The following SLC12A9 variants were observed in gnomAD, a reference collection of about 807,000 sequenced individuals.
SLC12A9 encodes CCC-interacting protein 1.
In SLC12A9, 55 loss-of-function variants were observed where a neutral mutation model predicts 66.0. The ratio of observed to expected loss-of-function variants is 0.83; its 90% CI spans 0.67 to 1.04. The LOEUF (loss-of-function observed/expected upper bound fraction) is 1.04. SLC12A9 is among the 50% of genes least tolerant of loss of function. The probability of loss-of-function intolerance (pLI) is 0.00; values close to 1 mark genes in which losing one functional copy is unlikely to be tolerated. For missense variants in SLC12A9, 1,061 were observed against 1,241.9 expected (o/e 0.85, Z 2.19); for synonymous variants, 577 against 569.0 (o/e 1.01, Z -0.20).
chr7:100,841,254 AT>A (rs1376751030), intron 1 of SLC12A9, among the ~76,000 whole-genome samples: 2 of 152,050 alleles, frequency 1.3e-5, no homozygotes, highest in African/African-American at 2.4e-5. Context: ...ATAAAAAAGA[AT>A]TTATGCAAAA....
At position 100,858,836 on chromosome 7, in the gene SLC12A9, T is replaced by A; in HGVS notation, c.759T>A (p.Ala253=). The part of the protein sequence containing the change: ...NSSTLKDNLG[A]GYAEDYTTGA... ...TCCTCCCTGGGAGGATCCTCCTAGC[T>A]GGCTATGCTGAGGACTACACCACGG... Residue 253 remains alanine, a splice_region_variant and synonymous_variant, in exon 6 of 14, where the codon GCT becomes GCA. Transcript: ENST00000354161. 6.2e-7 allele frequency: 1 copy of A among 1,614,088 alleles called. No homozygotes were observed. Among genetic ancestry groups the A allele is most frequent in the Non-Finnish European group, 8.5e-7 (1 of 1,179,986 alleles).
chr7:100,866,325 A>G lies in SLC12A9; in HGVS notation c.2465A>G (p.Asn822Ser), dbSNP rs756684247. The change falls in exon 14 of 14, where the codon AAC becomes AGC. Residue 822 changes from asparagine to serine, a missense_variant. Asn to Ser is a conservative substitution (Grantham distance 46). Coordinates refer to ENST00000354161, the MANE Select transcript of SLC12A9 (RefSeq NM_020246.4). This position sits in a 1 kb window ranked among gnomAD's most constrained non-coding sequence, Gnocchi z 7.3. ...GCGGAGGAGGAAGGGGACTTTGTGA[A>G]CAGTGGGCGGGGAGACGCAGAGGCA... ...PEAEEEGDFV[N>S]SGRGDAEAEA... 5 of 1,507,976 alleles carry G rather than the reference A, an allele frequency of 3.3e-6. No individual in the cohort carries two copies. The South Asian group carries it at 6.5e-5, about 20-fold the overall frequency. The allele number at this position is 1,507,976 out of a possible 1,614,324, so 93.4% of individuals were successfully genotyped here. A position where few individuals can be genotyped will look rare whatever the true frequency, so the allele number is the denominator to read the frequency against.
At chr7:100,855,451 C>T in intron 3 of SLC12A9, 1 of 414,440 alleles carries the variant, frequency 2.4e-6, no homozygotes, top group East Asian at 5.9e-5. Context: ...AAATGTGCAG[C>T]AGGCAGGCTG....
intron 3 of SLC12A9, among the ~76,000 whole-genome samples, 178 bp downstream of exon 3, chr7:100,854,932 G>A (rs1409065320): frequency 6.6e-6 from 1 of 152,118 alleles, no homozygotes; most frequent in Non-Finnish European, 1.5e-5. Flanking sequence ...GGGAGGCTGA[G>A]GTGGGTGGAT....
intron 13 of SLC12A9, among the ~76,000 whole-genome samples, chr7:100,864,687 A>C (rs1159011640): frequency 1.3e-5 from 2 of 152,134 alleles, no homozygotes; most frequent in Admixed American, 6.5e-5. Context: ...GCGTTGACCT[A>C]CCTGCCCCAG....
intron 1 of SLC12A9, among the ~76,000 whole-genome samples, chr7:100,833,605 C>T (rs1013100079): frequency 6.6e-6 from 1 of 151,526 alleles, no homozygotes; most frequent in African/African-American, 2.4e-5. Flanking sequence ...CCAGGAGTTC[C>T]AGGCCAGCCT....
At chr7:100,826,934 G>A (rs1231214262) in exon 1 of SLC12A9, 45 of 1,535,896 alleles carry the variant, frequency 2.9e-5, no homozygotes, top group Non-Finnish European at 3.9e-5. Context: ...TGGGGGGGAG[G>A]TCCCAGGAGT....
rs757955121 is a variant in SLC12A9, at chr7:100,855,748, T to C, written c.359T>C (p.Ile120Thr). 24 of 1,614,056 alleles carry C rather than the reference T, an allele frequency of 1.5e-5. No individual in the cohort carries two copies. Among genetic ancestry groups the C allele is most frequent in the South Asian group, 3.3e-5 (3 of 91,090 alleles). ...CTGGGGCCCGAGGTCGGGGGCAGCATTGGGCTCATGTTCTACCTGGCTAAC... is the reference window on the plus strand; with the variant it reads ...CTGGGGCCCGAGGTCGGGGGCAGCACTGGGCTCATGTTCTACCTGGCTAAC... ...RTLGPEVGGSIGLMFYLANVC... is the reference protein window; with the variant it reads ...RTLGPEVGGSTGLMFYLANVC... The change falls in exon 4 of 14, where the codon ATT becomes ACT. Residue 120 changes from isoleucine (I) to threonine (T), a missense_variant. Coordinates refer to ENST00000354161, the MANE Select transcript of SLC12A9 (RefSeq NM_020246.4).
At chr7:100,862,995 A>T (rs548794856) in intron 13 of SLC12A9, among the ~76,000 whole-genome samples, 168 bp downstream of exon 13, 7 of 152,172 alleles carry the variant, frequency 4.6e-5, no homozygotes, top group Admixed American at 6.6e-5. Flanking sequence ...GTGTGTGATA[A>T]GGTCTAATAG....
intron 1 of SLC12A9, among the ~76,000 whole-genome samples, chr7:100,846,808 TA>T (rs1813927499): frequency 6.6e-6 from 1 of 151,964 alleles, no homozygotes; most frequent in Non-Finnish European, 1.5e-5. Context: ...AAGGCAGAAA[TA>T]AAATCCACAA....
intron 3 of SLC12A9, 30 bp from the exon 4 acceptor site, chr7:100,855,676 C>T (rs774494237): frequency 6.2e-7 from 1 of 1,613,548 alleles, no homozygotes; most frequent in Non-Finnish European, 8.5e-7. Context: ...AGTCTTTTCC[C>T]TTAATGCTCA....
At chr7:100,847,299 C>T (rs1182851990) in intron 1 of SLC12A9, among the ~76,000 whole-genome samples, 2 of 152,208 alleles carry the variant, frequency 1.3e-5, no homozygotes, top group East Asian at 1.9e-4. Context: ...CGCGCCCAGC[C>T]GGGAGATGCT....
At chr7:100,845,003 C>T (rs558819608) in intron 1 of SLC12A9, among the ~76,000 whole-genome samples, 13 of 151,806 alleles carry the variant, frequency 8.6e-5, no homozygotes, top group South Asian at 2.1e-4. Context: ...ATGGGAAGCC[C>T]GAGAATTGGT....
Position 100,865,754 on chromosome 7 carries a change from T to G in SLC12A9, c.1894T>G (p.Tyr632Asp). ...MKPNTLVLGF[Y>D]DDAPPQDHFL... The stretch of plus-strand genomic sequence containing the variant: ...GCCCAACACGTTGGTCCTAGGTTTC[T>G]ACGATGACGCTCCACCGCAGGACCA... The change falls in exon 14 of 14, where the codon TAC becomes GAC. Residue 632 changes from tyrosine (Y) to aspartate (D), a missense_variant. Physicochemically the swap from Tyr to Asp is radical, Grantham distance 160. Transcript: ENST00000354161. The G allele has an allele frequency of 6.2e-7, 1 of 1,613,666 alleles. No homozygotes were observed. The highest frequency in any genetic ancestry group is 8.5e-7 in the Non-Finnish European group (1 of 1,179,906).
chr7:100,863,380 T>TG (rs1814882539), intron 13 of SLC12A9, among the ~76,000 whole-genome samples: 1 of 151,888 alleles, frequency 6.6e-6, no homozygotes, highest in Non-Finnish European at 1.5e-5. Context: ...CTTCTTTTTT[T>TG]TTCTGATCCA....
intron 1 of SLC12A9, among the ~76,000 whole-genome samples, chr7:100,839,762 G>T (rs1813743301): frequency 6.6e-6 from 1 of 152,122 alleles, no homozygotes; most frequent in African/African-American, 2.4e-5. Flanking sequence ...CCCACTCCAG[G>T]CCAGGTGTGG....
chr7:100,830,157 G>C (rs1813514995), intron 1 of SLC12A9, among the ~76,000 whole-genome samples: 1 of 152,114 alleles, frequency 6.6e-6, no homozygotes, highest in Non-Finnish European at 1.5e-5. Flanking sequence ...TTCGAGACCA[G>C]CCTGGCCAAC....
chr7:100,846,515 C>T (rs562330836), intron 1 of SLC12A9, among the ~76,000 whole-genome samples: 14 of 151,250 alleles, frequency 9.3e-5, no homozygotes, highest in Admixed American at 2.6e-4. Context: ...GGCAGTGAGC[C>T]GAGATCGCGC....
chr7:100,862,701 G>C lies in SLC12A9; in HGVS notation c.1732G>C (p.Val578Leu), dbSNP rs1335814744. The C allele has an allele frequency of 6.2e-7, 1 of 1,614,174 alleles. No individual in the cohort carries two copies. The highest frequency in any genetic ancestry group is 8.5e-7 in the Non-Finnish European group (1 of 1,180,032). The change falls in exon 13 of 14, where the codon GTA becomes CTA. Residue 578 changes from valine (V) to leucine (L), a missense_variant. Coordinates refer to ENST00000354161, the MANE Select transcript of SLC12A9 (RefSeq NM_020246.4). ...TGTAGACTCCCTGCCCTCGGACCCT[G>C]TACAGCCGCAGTATGGGGCATGGCT... The part of the protein sequence containing the change: ...GDLDSLPSDP[V>L]QPQYGAWLSL...
Sources: gnomAD v4.1 joint callset for allele counts (sites outside exome capture counted in the v4.1 genomes callset) on GRCh38, gnomAD v4.1.1 for gene constraint, Gnocchi (gnomAD v3.1) non-coding constraint, MANE v1.5 for transcripts, NCBI Gene and HGNC (gene_info 2026-07-23, HGNC 2026-07-21) for gene names.